Variants in NTRK3 observed in about 807,000 individuals in gnomAD.
NTRK3 encodes the protein neurotrophic receptor tyrosine kinase 3.
A neutral mutation model predicts 91.7 loss-of-function variants in NTRK3; 24 were observed. That is an observed-to-expected ratio of 0.26 (90% CI 0.19 to 0.37). The LOEUF (loss-of-function observed/expected upper bound fraction) is 0.37, where lower values mean the gene tolerates loss of function less well. Ranked by LOEUF, NTRK3 falls within the 10% of genes least tolerant of loss-of-function variation. NTRK3 has a pLI of 1.00. For synonymous variants in NTRK3, 483 were observed against 404.0 expected, an observed-to-expected ratio of 1.20 and a Z score of -2.34; for missense variants, 880 against 1,068.9, an observed-to-expected ratio of 0.82 and a Z score of 2.46.
intron 3 of NTRK3, among the ~76,000 whole-genome samples, chr15:88,203,088 C>T (rs2048441709): frequency 6.6e-6 from 1 of 152,150 alleles, no homozygotes; most frequent in African/African-American, 2.4e-5. Flanking sequence ...CTTAATACCC[C>T]AGGAGCAGCC....
chr15:88,153,390 G>A (rs1395550610), intron 5 of NTRK3, among the ~76,000 whole-genome samples: 1 of 151,992 alleles, frequency 6.6e-6, no homozygotes, highest in African/African-American at 2.4e-5. Flanking sequence ...TTAAAGGCAT[G>A]TGCCACCACT....
At chr15:88,182,945 T>TC (rs1180708156) in intron 5 of NTRK3, among the ~76,000 whole-genome samples, 3 of 152,048 alleles carry the variant, frequency 2.0e-5, no homozygotes, top group Admixed American at 1.3e-4. Flanking sequence ...TCTGAGCTTT[T>TC]CCCCACTGAA....
intron 5 of NTRK3, among the ~76,000 whole-genome samples, chr15:88,170,881 C>T: frequency 6.6e-6 from 1 of 152,180 alleles, no homozygotes; most frequent in East Asian, 1.9e-4. Flanking sequence ...GCAGTCCCAT[C>T]TAGCCAGGTC....
chr15:88,230,790 C>G (rs547170413), intron 3 of NTRK3, among the ~76,000 whole-genome samples: 4 of 151,182 alleles, frequency 2.6e-5, no homozygotes, highest in East Asian at 3.9e-4. Flanking sequence ...CCAATATTAA[C>G]AAAGCTCAGA....
In NTRK3 at chr15:88,255,899, G is replaced by T; in HGVS notation, c.248+7C>A. 1 of 1,603,930 alleles carries T rather than the reference G, an allele frequency of 6.2e-7. No individual in the cohort carries two copies. Among genetic ancestry groups the T allele is most frequent in the South Asian group, 1.1e-5 (1 of 90,160 alleles). On this transcript the variant is annotated splice_region_variant and intron_variant, in intron 3 of 18. Transcript: ENST00000394480. This position sits in a 1 kb window ranked among gnomAD's most constrained non-coding sequence, Gnocchi z 4.3. Reference sequence around the variant, plus strand: ...GAGGCAGGCTGGGGAGCGGCCGCCTGACTTACATGGAAGTGATATTCCTTG... The same window carrying T: ...GAGGCAGGCTGGGGAGCGGCCGCCTTACTTACATGGAAGTGATATTCCTTG...
exon 19 of NTRK3, chr15:87,872,398 A>T (rs2064844584): frequency 4.4e-6 from 1 of 226,126 alleles, no homozygotes; most frequent in Non-Finnish European, 8.8e-6. Context: ...GCAACTTAAG[A>T]CGCTGCCCTC....
chr15:87,901,083 T>G (rs1226903633), intron 17 of NTRK3, among the ~76,000 whole-genome samples: 1 of 152,058 alleles, frequency 6.6e-6, no homozygotes, highest in Non-Finnish European at 1.5e-5. Flanking sequence ...ATGAAAGAGA[T>G]GGAGGAGCTG....
intron 13 of NTRK3, among the ~76,000 whole-genome samples, chr15:88,058,684 C>T (rs1302185796): frequency 1.3e-5 from 2 of 152,188 alleles, no homozygotes; most frequent in African/African-American, 4.8e-5. Flanking sequence ...CAGATATATC[C>T]ATCCCCATCT....
intron 14 of NTRK3, among the ~76,000 whole-genome samples, chr15:87,989,397 G>T (rs965943108): frequency 6.6e-6 from 1 of 152,124 alleles, no homozygotes; most frequent in East Asian, 1.9e-4. Context: ...GCAAACTATC[G>T]CAAGGACAAA....
At chr15:87,975,539 C>G (rs112707410) in intron 14 of NTRK3, among the ~76,000 whole-genome samples, 8 of 152,200 alleles carry the variant, frequency 5.3e-5, no homozygotes, top group African/African-American at 1.7e-4. Flanking sequence ...TTCCCTGAGC[C>G]ACCCTAAGCT....
rs192890740 is a variant in NTRK3 at position 87,980,326 on chromosome 15, T to C, written c.1586-39573A>G. Among the ~76,000 whole-genome samples, 450 of 150,702 alleles carry C rather than the reference T, an allele frequency of 3.0e-3. 1 individual carries two copies. Among genetic ancestry groups the C allele is most frequent in the African/African-American group, 0.01 (415 of 40,664 alleles). On this transcript the variant is annotated intron_variant, in intron 14 of 18. Coordinates refer to ENST00000394480, the Ensembl canonical transcript of NTRK3. ...AAAGTGTGTGTAAAGAGTGTGTGTG[T>C]GCATTTGCATGTGTGTGTGTTTGCA...
At chr15:87,934,841 G>T (rs1055975296) in intron 15 of NTRK3, among the ~76,000 whole-genome samples, 1 of 152,160 alleles carries the variant, frequency 6.6e-6, no homozygotes, top group Admixed American at 6.5e-5. Flanking sequence ...TGCCTCTAAG[G>T]TCATCAAGTG....
intron 13 of NTRK3, among the ~76,000 whole-genome samples, chr15:88,125,459 C>T (rs899599065): frequency 6.6e-6 from 1 of 152,100 alleles, no homozygotes; most frequent in Non-Finnish European, 1.5e-5. Context: ...CTTATCAAAC[C>T]TCGTATCATG....
At chr15:88,113,069 C>T (rs1297190167) in intron 13 of NTRK3, among the ~76,000 whole-genome samples, 1 of 152,162 alleles carries the variant, frequency 6.6e-6, no homozygotes, top group East Asian at 1.9e-4. Flanking sequence ...CCGCTTTCTT[C>T]CCCAAGTCTG....
intron 3 of NTRK3, among the ~76,000 whole-genome samples, chr15:88,186,920 T>C (rs2046991336): frequency 6.6e-6 from 1 of 152,212 alleles, no homozygotes; most frequent in Non-Finnish European, 1.5e-5. Context: ...CTGTCCAGGT[T>C]ACTTCTCTGT....
intron 13 of NTRK3, among the ~76,000 whole-genome samples, chr15:88,085,464 C>G (rs1434628537): frequency 6.6e-6 from 1 of 152,220 alleles, no homozygotes; most frequent in African/African-American, 2.4e-5. Context: ...AGAATATGCT[C>G]TGCCCCTTCA....
At position 88,243,341 on chromosome 15, in the gene NTRK3, C is replaced by T. The variant is rs758998448; in HGVS notation, c.248+12565G>A. On this transcript the variant is annotated intron_variant, in intron 3 of 18. Coordinates refer to ENST00000394480, the Ensembl canonical transcript of NTRK3. The surrounding 1 kb of genome is among the most constrained non-coding windows in gnomAD (Gnocchi z 4.8). ...ATTAAATAACTTCCTGAGCCTGGCC[C>T]GTCTGCCAACGCTCCCTCCTGGATC... 6.6e-6 allele frequency among the ~76,000 whole-genome samples: 1 copy of T among 152,046 alleles called. No homozygotes were observed. The highest frequency in any genetic ancestry group is 1.5e-5 in the Non-Finnish European group (1 of 68,028).
At chr15:88,081,261 C>A (rs1311794178) in intron 13 of NTRK3, among the ~76,000 whole-genome samples, 1 of 152,150 alleles carries the variant, frequency 6.6e-6, no homozygotes, top group Non-Finnish European at 1.5e-5. Flanking sequence ...TACCTAGGCT[C>A]AGAAGGTGAC....
chr15:87,985,212 G>C (rs1406549938), intron 14 of NTRK3, among the ~76,000 whole-genome samples: 5 of 152,174 alleles, frequency 3.3e-5, no homozygotes, highest in African/African-American at 1.2e-4. Context: ...TTCCCAACAG[G>C]ACACCATGCT....
Sources: allele counts gnomAD v4.1 joint callset (sites outside exome capture counted in the v4.1 genomes callset), GRCh38; gene constraint gnomAD v4.1.1; non-coding constraint Gnocchi (gnomAD v3.1); transcripts MANE v1.5; gene names NCBI Gene and HGNC (gene_info 2026-07-23, HGNC 2026-07-21).